INPP4B: variants seen among roughly 807,000 people sequenced by gnomAD.
INPP4B encodes inositol polyphosphate 4-phosphatase type II.
In INPP4B, 55 loss-of-function variants were observed where a neutral mutation model predicts 122.5. The ratio of observed to expected loss-of-function variants is 0.45; its 90% CI spans 0.36 to 0.56. The LOEUF is 0.56. Among genes scored for constraint, INPP4B ranks in the 20% least tolerant of loss-of-function variants. The pLI is 0.00. For missense variants in INPP4B, 1,000 were observed against 1,097.7 expected, an observed-to-expected ratio of 0.91 and a Z score of 1.26; for synonymous variants, 403 against 388.7, an observed-to-expected ratio of 1.04 and a Z score of -0.43.
At chr4:142,313,549 G>A (rs1766353805) in intron 8 of INPP4B, among the ~76,000 whole-genome samples, 2 of 152,186 alleles carry the variant, frequency 1.3e-5, no homozygotes, top group Non-Finnish European at 2.9e-5. Context: ...CCCATGAAGT[G>A]CAGCAGCCCA....
intron 18 of INPP4B, among the ~76,000 whole-genome samples, chr4:142,136,451 C>A (rs934258816): frequency 6.6e-6 from 1 of 152,186 alleles, no homozygotes; most frequent in Non-Finnish European, 1.5e-5. Flanking sequence ...AGTGAGAGGC[C>A]GTGTGTGACC....
chr4:142,235,582 T>C (rs1412720036), intron 12 of INPP4B, among the ~76,000 whole-genome samples: 1 of 152,064 alleles, frequency 6.6e-6, no homozygotes, highest in East Asian at 1.9e-4. Context: ...CCACCACGCC[T>C]GGATAATTTT....
chr4:142,663,963 AGAT>A (rs1396133703), intron 2 of INPP4B, among the ~76,000 whole-genome samples: 1 of 152,254 alleles, frequency 6.6e-6, no homozygotes, highest in African/African-American at 2.4e-5. Flanking sequence ...TATTCCAAAA[AGAT>A]GACTAAGAAA....
chr4:142,323,938 C>A (rs140185888), intron 7 of INPP4B, among the ~76,000 whole-genome samples: 2 of 152,034 alleles, frequency 1.3e-5, no homozygotes, highest in African/African-American at 4.8e-5. Context: ...GTGTCATTGG[C>A]TGAAATGTGT....
intron 1 of INPP4B, among the ~76,000 whole-genome samples, chr4:142,826,325 A>G (rs1480751147): frequency 1.3e-5 from 2 of 152,132 alleles, no homozygotes; most frequent in Non-Finnish European, 2.9e-5. Context: ...CTTGCATTTC[A>G]GGACACTGCA....
In INPP4B at chr4:142,451,799, C is replaced by G. The variant is rs79731470; in HGVS notation, c.-127+10864G>C. Among the ~76,000 whole-genome samples, 467 of 152,238 alleles carry G rather than the reference C, an allele frequency of 3.1e-3. 3 individuals are homozygous for G. Among genetic ancestry groups the G allele is most frequent in the African/African-American group, 0.01 (423 of 41,548 alleles). On this transcript the variant is annotated intron_variant, in intron 3 of 25. Transcript: ENST00000262992. ...AAGGCAGAGACCTCAGCTGAACAAA[C>G]AGAAGCACTGAGCTTTTGGTTCATT...
At chr4:142,388,945 G>A (rs1796811362) in intron 7 of INPP4B, among the ~76,000 whole-genome samples, 1 of 152,052 alleles carries the variant, frequency 6.6e-6, no homozygotes, top group Non-Finnish European at 1.5e-5. Context: ...CCACCCTAAA[G>A]CCAGTATCCA....
In INPP4B at chr4:142,282,293, C is replaced by A. The variant is rs577793764; in HGVS notation, c.504-11519G>T. Among the ~76,000 whole-genome samples, 13 of 152,176 alleles carry A rather than the reference C, an allele frequency of 8.5e-5. No individual in the cohort carries two copies. The South Asian group carries it at 2.7e-3, about 32-fold the overall frequency. On this transcript the variant is annotated intron_variant, in intron 9 of 25. Coordinates refer to ENST00000262992, the MANE Select transcript of INPP4B (RefSeq NM_001101669.3). ...AAAGCCTTGAAGTGAATCCTGGTTA[C>A]CCTATTTGAGAAACAGCAAAGATGC... is the stretch of plus-strand genomic sequence containing the variant.
chr4:142,750,995 A>G (rs779071324), intron 1 of INPP4B, among the ~76,000 whole-genome samples: 3 of 152,106 alleles, frequency 2.0e-5, no homozygotes, highest in Non-Finnish European at 4.4e-5. Context: ...GAATTCATAC[A>G]GTATGCAAAA....
At chr4:142,289,409 G>A (rs1166862616) in intron 9 of INPP4B, among the ~76,000 whole-genome samples, 1 of 152,118 alleles carries the variant, frequency 6.6e-6, no homozygotes, top group African/African-American at 2.4e-5. Context: ...GGGTACGTGT[G>A]CAGGACGTGA....
chr4:142,538,564 G>A (rs977658771), intron 2 of INPP4B, among the ~76,000 whole-genome samples: 1 of 151,922 alleles, frequency 6.6e-6, no homozygotes, highest in African/African-American at 2.4e-5. Flanking sequence ...ATCATAAAAG[G>A]ATACCTTCGT....
chr4:142,623,422 A>G (rs1008701743), intron 2 of INPP4B, among the ~76,000 whole-genome samples: 1 of 151,864 alleles, frequency 6.6e-6, no homozygotes, highest in Non-Finnish European at 1.5e-5. Flanking sequence ...CCTTTTGGCA[A>G]TATCTTCATA....
chr4:142,554,359 C>T (rs1435416051), intron 2 of INPP4B, among the ~76,000 whole-genome samples: 1 of 76,348 alleles, frequency 1.3e-5, no homozygotes, highest in Admixed American at 1.9e-4. Context: ...TTCTCACTTG[C>T]AATAGTAAAA....
intron 2 of INPP4B, among the ~76,000 whole-genome samples, chr4:142,606,517 C>T (rs945861743): frequency 6.6e-6 from 1 of 151,796 alleles, no homozygotes; most frequent in African/African-American, 2.4e-5. Context: ...CACATGTACC[C>T]TATACATGTG....
chr4:142,722,074 G>A (rs1404480280), intron 2 of INPP4B, among the ~76,000 whole-genome samples: 1 of 152,026 alleles, frequency 6.6e-6, no homozygotes, highest in Non-Finnish European at 1.5e-5. Context: ...GTGTCTGTGT[G>A]TGCACCTTTA....
At chr4:142,520,659 A>G (rs2149916663) in intron 2 of INPP4B, among the ~76,000 whole-genome samples, 1 of 152,086 alleles carries the variant, frequency 6.6e-6, no homozygotes, top group Non-Finnish European at 1.5e-5. Flanking sequence ...TTGGACTTAC[A>G]CTTAATATAG....
chr4:142,725,268 T>G (rs1334004809), intron 2 of INPP4B, among the ~76,000 whole-genome samples: 1 of 152,146 alleles, frequency 6.6e-6, no homozygotes, highest in Non-Finnish European at 1.5e-5. Flanking sequence ...ATGCATCTGT[T>G]AAGTATAATC....
chr4:142,327,847 C>T (rs1012378043), intron 7 of INPP4B, among the ~76,000 whole-genome samples: 11 of 152,158 alleles, frequency 7.2e-5, no homozygotes, highest in African/African-American at 2.7e-4. Flanking sequence ...TAACTTTCTT[C>T]CCAGGTTATG....
chr4:142,770,603 C>T (rs1270017004), intron 1 of INPP4B, among the ~76,000 whole-genome samples: 1 of 151,918 alleles, frequency 6.6e-6, no homozygotes, highest in Non-Finnish European at 1.5e-5. Flanking sequence ...AATTATAGGC[C>T]TCATCAATTC....
Sources: allele counts gnomAD v4.1 joint callset (sites outside exome capture counted in the v4.1 genomes callset), GRCh38; gene constraint gnomAD v4.1.1; transcripts MANE v1.5; gene names NCBI Gene and HGNC (gene_info 2026-07-23, HGNC 2026-07-21).